TRAFD1: variants seen among roughly 807,000 people sequenced by gnomAD.
TRAFD1 encodes the protein TRAF-type zinc finger domain containing 1.
In TRAFD1, 38 loss-of-function variants were observed where a neutral mutation model predicts 65.3. That is an observed-to-expected ratio of 0.58 (90% CI 0.45 to 0.76). The LOEUF is 0.76. TRAFD1 is among the 30% of genes least tolerant of loss of function. The pLI is 0.00. For missense variants in TRAFD1, 631 were observed against 712.6 expected, an observed-to-expected ratio of 0.89 and a Z score of 1.30; for synonymous variants, 223 against 257.2, an observed-to-expected ratio of 0.87 and a Z score of 1.27.
intron 4 of TRAFD1, chr12:112,140,110 CATT>C: frequency 3.0e-6 from 1 of 329,786 alleles, no homozygotes; most frequent in Middle Eastern, 1.0e-3. Flanking sequence ...TTCTTTTCCT[CATT>C]ATTAGGTACT....
At chr12:112,136,847 C>A (rs2029926106) in intron 4 of TRAFD1, among the ~76,000 whole-genome samples, 1 of 152,258 alleles carries the variant, frequency 6.6e-6, no homozygotes, top group South Asian at 2.1e-4. Context: ...CCCTTCTTGG[C>A]TTTCCCAAAT....
Position 112,152,526 on chromosome 12 carries a change from T to TC in TRAFD1, c.1692+28dup. 6.2e-7 allele frequency: 1 copy of TC among 1,613,546 alleles called. No homozygotes were observed. Among genetic ancestry groups the TC allele is most frequent in the Non-Finnish European group, 8.5e-7 (1 of 1,179,668 alleles). The stretch of plus-strand genomic sequence containing the variant: ...TAAGGTGGGCTCCAGCCCATGATGC[T>TC]CAGTGGGGGACTCAGACATGGTGGG... On this transcript the variant is annotated intron_variant, in intron 11 of 11. Coordinates refer to ENST00000412615, the MANE Select transcript of TRAFD1 (RefSeq NM_006700.3). This position sits in a 1 kb window ranked among gnomAD's most constrained non-coding sequence, Gnocchi z 5.0.
intron 1 of TRAFD1, among the ~76,000 whole-genome samples, chr12:112,129,981 A>C (rs754368036): frequency 5.7e-5 from 8 of 140,274 alleles, no homozygotes; most frequent in Non-Finnish European, 1.1e-4. Flanking sequence ...ACAGGGTCTC[A>C]CTCTGTCACC....
chr12:112,142,822 G>T (rs1010739910), intron 6 of TRAFD1, among the ~76,000 whole-genome samples: 2 of 152,068 alleles, frequency 1.3e-5, no homozygotes, highest in African/African-American at 2.4e-5. Flanking sequence ...TTCTCAAATA[G>T]TTCAGGGGAA....
intron 4 of TRAFD1, among the ~76,000 whole-genome samples, chr12:112,138,564 AAAAAC>A (rs1272031235): frequency 2.0e-5 from 3 of 151,642 alleles, no homozygotes; most frequent in Admixed American, 1.3e-4. Flanking sequence ...AAACAAAAAC[AAAAAC>A]AAAAAATGCT....
chr12:112,134,990 C>T (rs2079589865), intron 3 of TRAFD1, 23 bp from the exon 4 acceptor site: 2 of 1,614,086 alleles, frequency 1.2e-6, no homozygotes, highest in South Asian at 1.1e-5. Flanking sequence ...AGCCAATTTA[C>T]TGATTCTCAC....
chr12:112,147,667 A>G (rs2030286889), intron 7 of TRAFD1, among the ~76,000 whole-genome samples: 1 of 151,928 alleles, frequency 6.6e-6, no homozygotes, highest in South Asian at 2.1e-4. Flanking sequence ...TAAGCATTTA[A>G]AAAAATTTTT....
In TRAFD1 at chr12:112,135,067, G is replaced by T; in HGVS notation, c.237+1G>T. On this transcript the variant is annotated splice_donor_variant, in intron 4 of 11. Coordinates refer to ENST00000412615, the MANE Select transcript of TRAFD1 (RefSeq NM_006700.3). LOFTEE classifies it high-confidence loss of function. ...GAAGAGGCTGTTAAAGAAGCATGAGGTTAGTCCATGGAGTGAGTTACCGTG... is the reference window on the plus strand; with the variant it reads ...GAAGAGGCTGTTAAAGAAGCATGAGTTTAGTCCATGGAGTGAGTTACCGTG... The T allele has an allele frequency of 1.2e-6, 2 of 1,614,200 alleles. No individual in the cohort carries two copies. The highest frequency in any genetic ancestry group is 1.7e-6 in the Non-Finnish European group (2 of 1,180,022).
intron 7 of TRAFD1, among the ~76,000 whole-genome samples, chr12:112,147,767 G>C (rs915260273): frequency 2.0e-5 from 3 of 151,830 alleles, no homozygotes; most frequent in Non-Finnish European, 2.9e-5. Context: ...TGCCTCTCAG[G>C]TTCAAGCAAT....
chr12:112,149,992 T>A, intron 9 of TRAFD1, 121 bp downstream of exon 9: 1 of 1,331,966 alleles, frequency 7.5e-7, no homozygotes, highest in Non-Finnish European at 1.0e-6. Flanking sequence ...CCAAACACAC[T>A]AGGGTCTCAT....
intron 4 of TRAFD1, among the ~76,000 whole-genome samples, chr12:112,138,898 A>C (rs2029999662): frequency 6.6e-6 from 1 of 152,106 alleles, no homozygotes; most frequent in South Asian, 2.1e-4. Flanking sequence ...TTCTATTCTA[A>C]ATGCTACTCC....
intron 8 of TRAFD1, 82 bp downstream of exon 8, chr12:112,148,386 T>C: frequency 8.5e-6 from 10 of 1,182,486 alleles, no homozygotes; most frequent in Non-Finnish European, 1.2e-5. Context: ...TCCTTAGCCT[T>C]TAAGTTGCAT....
At position 112,151,934 on chromosome 12, in the gene TRAFD1, C is replaced by T. The variant is rs1327138239; in HGVS notation, c.1413C>T (p.Gly471=). The change falls in exon 10 of 12, where the codon GGC becomes GGT. Residue 471 remains glycine (G), a synonymous_variant. Coordinates refer to ENST00000412615, the MANE Select transcript of TRAFD1 (RefSeq NM_006700.3). The part of the protein sequence containing the change: ...TYNQLSRSTS[G]PRPGCQPSSP... Reference sequence around the variant, plus strand: ...ACCAGCTATCGAGATCAACATCAGGCCCCAGACCTGGGTGCCAGCCCAGCT... The same window carrying T: ...ACCAGCTATCGAGATCAACATCAGGTCCCAGACCTGGGTGCCAGCCCAGCT... 6.2e-7 allele frequency: 1 copy of T among 1,614,118 alleles called. No homozygotes were observed. The highest frequency in any genetic ancestry group is 8.5e-7 in the Non-Finnish European group (1 of 1,180,054).
chr12:112,141,994 C>A, intron 5 of TRAFD1, 95 bp from the exon 6 acceptor site: 1 of 1,361,038 alleles, frequency 7.3e-7, no homozygotes. Flanking sequence ...TTCCCGGATG[C>A]CTGTAAACCT....
chr12:112,145,465 T>C, intron 6 of TRAFD1, 121 bp from the exon 7 acceptor site: 1 of 917,876 alleles, frequency 1.1e-6, no homozygotes, highest in South Asian at 1.7e-5. Context: ...CACAAATTGC[T>C]ATCTATAAGA....
chr12:112,133,828 C>T (rs1010176771), intron 2 of TRAFD1, among the ~76,000 whole-genome samples: 1 of 150,956 alleles, frequency 6.6e-6, no homozygotes, highest in African/African-American at 2.4e-5. Context: ...CCTCAGCCTC[C>T]CGAGTAATTG....
intron 8 of TRAFD1, 98 bp from the exon 9 acceptor site, chr12:112,149,653 C>A: frequency 1.3e-6 from 2 of 1,505,434 alleles, no homozygotes; most frequent in South Asian, 2.5e-5. Flanking sequence ...GTCAAAGTCC[C>A]CCTCCAGATG....
chr12:112,148,271 A>T lies in TRAFD1; in HGVS notation c.1125A>T (p.Val375=), dbSNP rs764175358. 8.7e-6 allele frequency: 14 copies of T among 1,614,064 alleles called. No homozygotes were observed. The highest frequency in any genetic ancestry group is 1.2e-5 in the Non-Finnish European group (14 of 1,180,018). ...SIIIPCEFCG[V]QLEEEVLFHH... ...TTATCCCATGTGAATTCTGTGGGGT[A>T]CAGCTGGAAGAGGAGGTGCTGTTCC... The change falls in exon 8 of 12, where the codon GTA becomes GTT. Residue 375 remains valine, a synonymous_variant. Coordinates refer to ENST00000412615, the MANE Select transcript of TRAFD1 (RefSeq NM_006700.3).
intron 1 of TRAFD1, among the ~76,000 whole-genome samples, chr12:112,129,417 T>A (rs867694311): frequency 2.6e-5 from 4 of 151,888 alleles, no homozygotes; most frequent in South Asian, 2.1e-4. Context: ...CCCAGGCTGA[T>A]CTTAAACTCC....
Sources: allele counts gnomAD v4.1 joint callset (sites outside exome capture counted in the v4.1 genomes callset), GRCh38; gene constraint gnomAD v4.1.1; non-coding constraint Gnocchi (gnomAD v3.1); transcripts MANE v1.5; gene names NCBI Gene and HGNC (gene_info 2026-07-23, HGNC 2026-07-21).